Variants in OXR1 observed in about 807,000 individuals in gnomAD.
OXR1 encodes the protein oxidation resistance protein 1.
In OXR1, 41 loss-of-function variants were observed where a neutral mutation model predicts 104.6. That is an observed-to-expected ratio of 0.39 (90% CI 0.31 to 0.51). OXR1 has a LOEUF of 0.51. Ranked by LOEUF, OXR1 falls within the 20% of genes least tolerant of loss-of-function variation. The probability of loss-of-function intolerance (pLI) is 0.77; values close to 1 mark genes in which losing one functional copy is unlikely to be tolerated. For missense variants in OXR1, 955 were observed against 1,031.9 expected (o/e 0.93, Z 1.02); for synonymous variants, 348 against 348.4 (o/e 1.00, Z 0.01).
At chr8:106,526,072 G>GGTATTTAACACACTGTCAA (rs1439815636) in intron 3 of OXR1, among the ~76,000 whole-genome samples, 1 of 152,042 alleles carries the variant, frequency 6.6e-6, no homozygotes, top group African/African-American at 2.4e-5. Context: ...TATACAATCA[G>GGTATTTAACACACTGTCAA]GTATTTAACA....
At chr8:106,312,365 G>A (rs1174184963) in intron 1 of OXR1, among the ~76,000 whole-genome samples, 1 of 152,230 alleles carries the variant, frequency 6.6e-6, no homozygotes, top group African/African-American at 2.4e-5. Flanking sequence ...TGTCCTCAGG[G>A]TATGGTGGCT....
intron 2 of OXR1, among the ~76,000 whole-genome samples, chr8:106,458,113 A>G (rs1425737389): frequency 6.6e-6 from 1 of 152,194 alleles, no homozygotes; most frequent in East Asian, 1.9e-4. Context: ...TAAAGAGATT[A>G]ATATGGATAG....
chr8:106,314,612 A>G (rs537903026), intron 1 of OXR1, among the ~76,000 whole-genome samples: 3 of 152,310 alleles, frequency 2.0e-5, no homozygotes, highest in African/African-American at 7.2e-5. Context: ...AGGAACATGA[A>G]CTTATAAATG....
rs1262207307 is a variant in OXR1, at chr8:106,359,376, T to C, written c.-138-100T>C. On this transcript the variant is annotated intron_variant, in intron 1 of 16. Transcript: ENST00000517566. ...AAAAAGATCATATTTTTTGTGTGTA[T>C]CTTATACCATGACAAAACCATTGAT... 10 of 502,190 alleles carry C rather than the reference T, an allele frequency of 2.0e-5. No homozygotes were observed. In the Admixed American group the frequency reaches 3.2e-4, roughly 16 times the overall value. The allele number at this position is 502,190 out of a possible 1,614,324, so 31.1% of individuals were successfully genotyped here.
rs756078415 is a variant in OXR1 at position 106,692,857 on chromosome 8, A to G, written c.655A>G (p.Lys219Glu). ...TGAGAAATTTCTTAAAATTAATTGC[A>G]AATATATTACCAGTGGCAAGGTAAA... is the stretch of plus-strand genomic sequence containing the variant. ...FTEKFLKINCKYITSGKGTVS... is the reference protein window; with the variant it reads ...FTEKFLKINCEYITSGKGTVS... Residue 219 changes from lysine to glutamate, a missense_variant, in exon 7 of 17, where the codon AAA (lysine) becomes GAA (glutamate). Transcript: ENST00000517566. The G allele has an allele frequency of 3.7e-6, 6 of 1,604,196 alleles. No homozygotes were observed. In the South Asian group the frequency reaches 6.7e-5, roughly 18 times the overall value.
intron 3 of OXR1, among the ~76,000 whole-genome samples, chr8:106,551,860 A>ATATGTG (rs372448089): frequency 9.5e-5 from 12 of 126,576 alleles, no homozygotes; most frequent in South Asian, 5.5e-4. Flanking sequence ...GTGTATATAT[A>ATATGTG]TGTGTGTGTG....
At chr8:106,367,222 C>T (rs7829726) in intron 2 of OXR1, among the ~76,000 whole-genome samples, 2,930 of 151,790 alleles carry the variant, frequency 0.019, 80 homozygotes, top group African/African-American at 0.066. Flanking sequence ...CCACCATGCC[C>T]GGCTAATTTT....
chr8:106,684,995 C>T (rs1475642034), intron 6 of OXR1, among the ~76,000 whole-genome samples: 2 of 151,838 alleles, frequency 1.3e-5, no homozygotes, highest in Non-Finnish European at 2.9e-5. Context: ...CTATTTTTCT[C>T]CTTGCCTGGG....
intron 1 of OXR1, among the ~76,000 whole-genome samples, chr8:106,353,222 T>C (rs1465473884): frequency 6.6e-6 from 1 of 152,110 alleles, no homozygotes; most frequent in Non-Finnish European, 1.5e-5. Context: ...TGGTGGCGCA[T>C]GCCTGTAGTC....
chr8:106,680,870 A>G (rs1828080733), intron 4 of OXR1, among the ~76,000 whole-genome samples: 1 of 151,742 alleles, frequency 6.6e-6, no homozygotes, highest in Non-Finnish European at 1.5e-5. Context: ...GTTCCCTTTC[A>G]GTTTGTTATT....
intron 2 of OXR1, among the ~76,000 whole-genome samples, chr8:106,376,752 A>G (rs1483837188): frequency 1.3e-5 from 2 of 152,236 alleles, no homozygotes; most frequent in African/African-American, 2.4e-5. Flanking sequence ...TCATAGATCT[A>G]AGAATGTGGG....
intron 3 of OXR1, among the ~76,000 whole-genome samples, chr8:106,556,959 T>A (rs1200306022): frequency 1.3e-5 from 2 of 152,164 alleles, no homozygotes; most frequent in African/African-American, 4.8e-5. Flanking sequence ...TTCCCTTCCC[T>A]CATTAATTTT....
rs2131375575 is a variant in OXR1, at chr8:106,706,940, A to G, written c.1419A>G (p.Thr473=). 2 of 1,613,368 alleles carry G rather than the reference A, an allele frequency of 1.2e-6. No homozygotes were observed. The highest frequency in any genetic ancestry group is 4.5e-5 in the East Asian group (2 of 44,862). ...AAGAAAATATGCCTTGTGGGGAAAC[A>G]GCAGAATTTAAACAAAAGCAAAGTG... is the stretch of plus-strand genomic sequence containing the variant. ...SQKENMPCGE[T]AEFKQKQSVN... Residue 473 remains threonine (T), a synonymous_variant, in exon 9 of 17, where the codon ACA becomes ACG. Coordinates refer to ENST00000517566, the MANE Select transcript of OXR1 (RefSeq NM_001198533.2).
intron 2 of OXR1, among the ~76,000 whole-genome samples, chr8:106,510,398 T>TA (rs1483436835): frequency 6.6e-6 from 1 of 152,192 alleles, no homozygotes; most frequent in Non-Finnish European, 1.5e-5. Flanking sequence ...GCTTCTCTCA[T>TA]ATTACCTCTT....
chr8:106,439,479 T>C (rs1394005754), intron 2 of OXR1, among the ~76,000 whole-genome samples: 1 of 152,136 alleles, frequency 6.6e-6, no homozygotes, highest in Non-Finnish European at 1.5e-5. Context: ...AACAGTTGTT[T>C]TAGTTTAAAA....
chr8:106,491,825 G>T (rs1357866279), intron 2 of OXR1, among the ~76,000 whole-genome samples: 1 of 152,044 alleles, frequency 6.6e-6, no homozygotes, highest in African/African-American at 2.4e-5. Context: ...CAATTGAGGT[G>T]GTTTACGTGA....
chr8:106,536,581 A>C (rs2130288016), intron 3 of OXR1, among the ~76,000 whole-genome samples: 1 of 152,362 alleles, frequency 6.6e-6, no homozygotes, highest in Middle Eastern at 3.4e-3. Flanking sequence ...ACTAGGAAAT[A>C]GCATTTACAT....
At chr8:106,429,647 A>AAG in intron 2 of OXR1, among the ~76,000 whole-genome samples, 1 of 142,508 alleles carries the variant, frequency 7.0e-6, no homozygotes, top group South Asian at 2.1e-4. Context: ...GCGACAGAGC[A>AAG]AGACTCTGTC....
chr8:106,694,157 G>A (rs1829588017), intron 7 of OXR1, among the ~76,000 whole-genome samples: 1 of 151,476 alleles, frequency 6.6e-6, no homozygotes, highest in South Asian at 2.1e-4. Context: ...CCTGTTTTAT[G>A]GTCTAGAATA....
Sources: allele counts gnomAD v4.1 joint callset (sites outside exome capture counted in the v4.1 genomes callset), GRCh38; gene constraint gnomAD v4.1.1; transcripts MANE v1.5; gene names NCBI Gene and HGNC (gene_info 2026-07-23, HGNC 2026-07-21).